Variants in MED24 observed in about 807,000 individuals in gnomAD.
The protein encoded by MED24 is mediator complex subunit 24, also known as mediator of RNA polymerase II transcription subunit 24.
Under a neutral mutation model 118.8 loss-of-function variants are expected in MED24, and 74 were observed. The observed-to-expected ratio is 0.62, with a 90% confidence interval of 0.52 to 0.76. MED24 has a LOEUF of 0.76. Among genes scored for constraint, MED24 ranks in the 30% least tolerant of loss-of-function variants. The pLI is 0.00. For synonymous variants in MED24, 521 were observed against 523.9 expected, an observed-to-expected ratio of 0.99 and a Z score of 0.08; for missense variants, 1,041 against 1,278.9, an observed-to-expected ratio of 0.81 and a Z score of 2.84.
intron 4 of MED24, 52 bp downstream of exon 4, chr17:40,036,064 C>T (rs1983901150): frequency 9.6e-6 from 15 of 1,559,552 alleles, no homozygotes; most frequent in East Asian, 9.0e-5. Context: ...GTCAAGGAGG[C>T]GGGGCCTTGT....
In MED24 at chr17:40,026,310, C is replaced by T. The variant is rs1410673088; in HGVS notation, c.1831G>A (p.Gly611Arg). The T allele has an allele frequency of 6.2e-7, 1 of 1,613,888 alleles. No homozygotes were observed. The highest frequency in any genetic ancestry group is 1.3e-5 in the African/African-American group (1 of 74,946). ...SIQKITDNIK[G>R]KVCSLAVCAV... ...CACACCGCCAGACTGCATACCTTCC[C>T]TTTGATGTTATCAGTGATTTTCTAG... Residue 611 changes from glycine (G) to arginine (R), a missense_variant, in exon 19 of 26, where the codon GGG becomes AGG. By Grantham distance (125) the Gly-to-Arg change is moderately radical. Around this residue, in one of 3 missense-constraint regions of MED24, gnomAD observed 587 missense variants for 694.4 expected, o/e 0.85. Transcript: ENST00000394128.
At chr17:40,047,929 C>T (rs547084950) in intron 3 of MED24, among the ~76,000 whole-genome samples, 1 of 152,246 alleles carries the variant, frequency 6.6e-6, no homozygotes, top group Admixed American at 6.5e-5. Context: ...GGGGTTTCAC[C>T]ATGTTGGTCA....
In MED24 at chr17:40,053,494, G is replaced by C; in HGVS notation, c.105C>G (p.Ala35=). The C allele has an allele frequency of 6.2e-7, 1 of 1,614,166 alleles. No homozygotes were observed. The highest frequency in any genetic ancestry group is 1.1e-5 in the South Asian group (1 of 91,080). Residue 35 remains alanine (A), a synonymous_variant, in exon 2 of 26, where the codon GCC becomes GCG. Coordinates refer to ENST00000394128, the MANE Select transcript of MED24 (RefSeq NM_014815.4). ...INMKKFFPKG[A]TWDILNLADA... Reference sequence around the variant, plus strand: ...CTGCCAGGTTGAGAATATCCCAGGTGGCTCCTTTAGGAAAGAATTTCTTCA... The same window carrying C: ...CTGCCAGGTTGAGAATATCCCAGGTCGCTCCTTTAGGAAAGAATTTCTTCA...
intron 3 of MED24, among the ~76,000 whole-genome samples, chr17:40,049,456 T>C (rs1985585128): frequency 6.6e-6 from 1 of 152,234 alleles, no homozygotes; most frequent in African/African-American, 2.4e-5. Context: ...CTTTCCCATG[T>C]ATTCCCATAG....
chr17:40,043,890 C>CAAAAAAAAAAAAAAAACAAAAAA (rs35743512), intron 3 of MED24, among the ~76,000 whole-genome samples: 8 of 97,446 alleles, frequency 8.2e-5, no homozygotes, highest in Admixed American at 3.3e-4. Flanking sequence ...GACTCCATCT[C>CAAAAAAAAAAAAAAAACAAAAAA]AAAAAAAAAA....
intron 3 of MED24, among the ~76,000 whole-genome samples, chr17:40,040,039 T>G (rs992467290): frequency 4.6e-5 from 7 of 151,690 alleles, no homozygotes; most frequent in African/African-American, 1.7e-4. Flanking sequence ...CACCTCGGCC[T>G]CCCAAAGTGC....
chr17:40,051,805 C>T (rs548655956), intron 3 of MED24, among the ~76,000 whole-genome samples: 1 of 151,972 alleles, frequency 6.6e-6, no homozygotes, highest in South Asian at 2.1e-4. Context: ...CGCCTGTAAT[C>T]CTAGCTACTC....
rs779300635 is a variant in MED24 at position 40,020,347 on chromosome 17, C to A, written c.2630G>T (p.Arg877Leu). 1 of 1,597,094 alleles carries A rather than the reference C, an allele frequency of 6.3e-7. No individual in the cohort carries two copies. The highest frequency in any genetic ancestry group is 1.1e-5 in the South Asian group (1 of 87,948). Reference protein sequence around the residue: ...DANILSSPTDRSMSSSLSASQ... With the variant: ...DANILSSPTDLSMSSSLSASQ... ...GGCTGAGAGGGAGCTGCTCATGGAT[C>A]GGTCTGCTGTGGGACGGAGCAGATG... is the stretch of plus-strand genomic sequence containing the variant. Residue 877 changes from arginine to leucine, a missense_variant, in exon 24 of 26, where the codon CGA becomes CTA. Physicochemically the swap from Arg to Leu is moderately radical, Grantham distance 102. Around this residue, in one of 3 missense-constraint regions of MED24, gnomAD observed 587 missense variants for 694.4 expected, o/e 0.85. Transcript: ENST00000394128.
chr17:40,020,867 G>T lies in MED24; in HGVS notation c.2624-514C>A, dbSNP rs372233027. On this transcript the variant is annotated intron_variant, in intron 23 of 25. Transcript: ENST00000394128. ...GCGGGTGGATCATCTGAGTTCAGGA[G>T]TTCGAGACCAGCCTGACCAATATGG... 1.2e-4 allele frequency among the ~76,000 whole-genome samples: 19 copies of T among 152,262 alleles called. No individual in the cohort carries two copies. In the South Asian group the frequency reaches 2.5e-3, roughly 20 times the overall value.
chr17:40,050,455 A>C (rs1985718664), intron 3 of MED24, among the ~76,000 whole-genome samples: 1 of 152,142 alleles, frequency 6.6e-6, no homozygotes, highest in Non-Finnish European at 1.5e-5. Flanking sequence ...TCAAAAAAAA[A>C]TATGAGATAC....
intron 3 of MED24, among the ~76,000 whole-genome samples, chr17:40,047,666 AAAAAAACAAAAAAAC>A (rs1269941931): frequency 2.0e-5 from 3 of 150,126 alleles, no homozygotes; most frequent in East Asian, 3.8e-4. Flanking sequence ...CATCTCATAA[AAAAAAACAAAAAAAC>A]AAAAAACAAA....
Position 40,035,100 on chromosome 17 carries a change from G to A in MED24, c.559+17C>T. 6.2e-7 allele frequency: 1 copy of A among 1,613,124 alleles called. No homozygotes were observed. Among genetic ancestry groups the A allele is most frequent in the South Asian group, 1.1e-5 (1 of 91,062 alleles). The stretch of plus-strand genomic sequence containing the variant: ...GGAGCAGCGGCAGGTGGGGCTCAGG[G>A]GAATCAAGGGACATACAGGCCTCCT... On this transcript the variant is annotated intron_variant, in intron 6 of 25. Coordinates refer to ENST00000394128, the MANE Select transcript of MED24 (RefSeq NM_014815.4).
At chr17:40,032,609 C>G in intron 9 of MED24, 40 bp downstream of exon 9, 1 of 1,529,696 alleles carries the variant, frequency 6.5e-7, no homozygotes, top group Non-Finnish European at 9.0e-7. Flanking sequence ...TGCTAAGAAC[C>G]ATTCCTAGAC....
Position 40,033,562 on chromosome 17 carries a change from A to C in MED24, c.560-106T>G. On this transcript the variant is annotated intron_variant, in intron 6 of 25. Coordinates refer to ENST00000394128, the MANE Select transcript of MED24 (RefSeq NM_014815.4). The surrounding 1 kb of genome is among the most constrained non-coding windows in gnomAD (Gnocchi z 5.2). Reference sequence around the variant, plus strand: ...CACTCCCTCCGGCACACGAAACCACACAGGAAGGCTTCCCCTGAGGACAAC... The same window carrying C: ...CACTCCCTCCGGCACACGAAACCACCCAGGAAGGCTTCCCCTGAGGACAAC... The C allele has an allele frequency of 3.5e-6, 3 of 868,968 alleles. No individual in the cohort carries two copies. Among genetic ancestry groups the C allele is most frequent in the Non-Finnish European group, 5.6e-6 (3 of 535,982 alleles). 53.8% of individuals were successfully genotyped at this position (868,968 alleles called of 1,614,324 possible).
At chr17:40,044,153 CAA>C (rs58516715) in intron 3 of MED24, among the ~76,000 whole-genome samples, 9 of 102,710 alleles carry the variant, frequency 8.8e-5, no homozygotes, top group African/African-American at 1.3e-4. Flanking sequence ...AAAGCCGTAA[CAA>C]AAAAAAAAAA....
Position 40,033,100 on chromosome 17 carries a change from T to C in MED24, c.778A>G (p.Thr260Ala). ...LEGTMNLTGE[T>A]QSLVEQLTMV... ...GTCAGCTGCTCCACCAGGGACTGCG[T>C]CTCGCCTGTCAGGTTCATGGTGCCC... Residue 260 changes from threonine to alanine, a missense_variant, in exon 8 of 26, where the codon ACG becomes GCG. Thr to Ala is a moderately conservative substitution (Grantham distance 58). This residue lies in a region of MED24 where 434 missense variants were observed against 514.9 expected (regional missense o/e 0.84). Transcript: ENST00000394128. The surrounding 1 kb of genome is among the most constrained non-coding windows in gnomAD (Gnocchi z 5.2). 6.2e-7 allele frequency: 1 copy of C among 1,613,944 alleles called. No homozygotes were observed. The highest frequency in any genetic ancestry group is 8.5e-7 in the Non-Finnish European group (1 of 1,180,032).
intron 23 of MED24, chr17:40,021,417 A>G (rs1981986934): frequency 6.6e-6 from 1 of 152,560 alleles, no homozygotes; most frequent in Admixed American, 6.5e-5. Context: ...GGAAACAGGA[A>G]AAATGCCACA....
At position 40,053,282 on chromosome 17, in the gene MED24, T is replaced by G. The variant is rs548685209; in HGVS notation, c.213+16A>C. 39 of 1,583,592 alleles carry G rather than the reference T, an allele frequency of 2.5e-5. 1 individual carries two copies. In the South Asian group the frequency reaches 3.9e-4, roughly 16 times the overall value. ...CAGAACTCTCACTTCTTGGTGGGGGTTTGCGGGAAGCTTACCTGGGAACTA... is the reference window on the plus strand; with the variant it reads ...CAGAACTCTCACTTCTTGGTGGGGGGTTGCGGGAAGCTTACCTGGGAACTA... On this transcript the variant is annotated intron_variant, in intron 3 of 25. Coordinates refer to ENST00000394128, the MANE Select transcript of MED24 (RefSeq NM_014815.4).
chr17:40,029,783 G>A lies in MED24; in HGVS notation c.1231C>T (p.Leu411Phe). The change falls in exon 13 of 26, where the codon CTC becomes TTC. Residue 411 changes from leucine to phenylalanine, a missense_variant. By Grantham distance (22) the Leu-to-Phe change is conservative (BLOSUM62 0). Transcript: ENST00000394128. ...ANIQPNIQLI[L>F]RAEPTVTNIL... ...TTTGTGACAGTGGGCTCCGCCCGGAGGATCAGCTGGATGTTGGGCTGGATG... is the reference window on the plus strand; with the variant it reads ...TTTGTGACAGTGGGCTCCGCCCGGAAGATCAGCTGGATGTTGGGCTGGATG... 6.2e-7 allele frequency: 1 copy of A among 1,614,222 alleles called. No individual in the cohort carries two copies. The highest frequency in any genetic ancestry group is 8.5e-7 in the Non-Finnish European group (1 of 1,180,022).
Sources: gnomAD v4.1 joint callset for allele counts (sites outside exome capture counted in the v4.1 genomes callset) on GRCh38, gnomAD v4.1.1 for gene constraint, gnomAD v4.1.1 regional missense constraint, Gnocchi (gnomAD v3.1) non-coding constraint, MANE v1.5 for transcripts, NCBI Gene and HGNC (gene_info 2026-07-23, HGNC 2026-07-21) for gene names.